Variants in WRN observed in about 807,000 individuals in gnomAD.
WRN encodes the protein bifunctional 3'-5' exonuclease/ATP-dependent helicase WRN.
WRN carries 149 observed loss-of-function variants against 180.7 expected under a neutral mutation model. The ratio of observed to expected loss-of-function variants is 0.82; its 90% CI spans 0.72 to 0.94. WRN has a LOEUF of 0.94. Among genes scored for constraint, WRN ranks in the 40% least tolerant of loss-of-function variants. The probability of loss-of-function intolerance (pLI) is 0.00; values close to 1 mark genes in which losing one functional copy is unlikely to be tolerated. For synonymous variants in WRN, 548 were observed against 568.9 expected (o/e 0.96, Z 0.52); for missense variants, 1,661 against 1,700.1 (o/e 0.98, Z 0.40).
chr8:31,142,504 A>G, intron 26 of WRN, 122 bp from the exon 27 acceptor site: 1 of 728,758 alleles, frequency 1.4e-6, no homozygotes, highest in East Asian at 3.1e-5. Context: ...AATCAGTTTT[A>G]AGAATCACCA....
chr8:31,076,220 T>G lies in WRN; in HGVS notation c.772T>G (p.Ser258Ala). The G allele has an allele frequency of 6.2e-7, 1 of 1,613,954 alleles. No homozygotes were observed. The highest frequency in any genetic ancestry group is 8.5e-7 in the Non-Finnish European group (1 of 1,179,930). Residue 258 changes from serine (S) to alanine (A), a missense_variant, in exon 8 of 35, where the codon TCT (serine) becomes GCT (alanine). Physicochemically the swap from Ser to Ala is moderately conservative, Grantham distance 99. Around this residue, in one of 3 missense-constraint regions of WRN, gnomAD observed 500 missense variants for 504.1 expected, o/e 0.99. Coordinates refer to ENST00000298139, the MANE Select transcript of WRN (RefSeq NM_000553.6). ...SDMNKQLTSI[S>A]EEVMDLAKHL... ...CATGAACAAACAGTTGACTTCAATCTCTGAGGAAGTGATGGATCTGGCTAA... is the reference window on the plus strand; with the variant it reads ...CATGAACAAACAGTTGACTTCAATCGCTGAGGAAGTGATGGATCTGGCTAA...
At chr8:31,141,404 G>C in intron 24 of WRN, 26 bp from the exon 25 acceptor site, 1 of 1,613,272 alleles carries the variant, frequency 6.2e-7, no homozygotes, top group Admixed American at 1.7e-5. Flanking sequence ...AGCATTTTTA[G>C]ATACTGATTT....
chr8:31,038,798 T>A lies in WRN; in HGVS notation c.-77+4825T>A, dbSNP rs147727085. 6.7e-3 allele frequency among the ~76,000 whole-genome samples: 1,021 copies of A among 152,270 alleles called. 17 individuals are homozygous for A. Among genetic ancestry groups the A allele is most frequent in the African/African-American group, 0.023 (950 of 41,554 alleles). ...AACTTCACTCTTTTCCATATGGAGATCCAGTTGTCCCAGCACCACATGTTT... is the reference window on the plus strand; with the variant it reads ...AACTTCACTCTTTTCCATATGGAGAACCAGTTGTCCCAGCACCACATGTTT... On this transcript the variant is annotated intron_variant, in intron 1 of 34. Coordinates refer to ENST00000298139, the MANE Select transcript of WRN (RefSeq NM_000553.6).
At chr8:31,147,644 TTC>T (rs1164580928) in intron 30 of WRN, among the ~76,000 whole-genome samples, 168 bp downstream of exon 30, 4 of 152,212 alleles carry the variant, frequency 2.6e-5, no homozygotes, top group Non-Finnish European at 5.9e-5. Flanking sequence ...AGTACCGTGT[TTC>T]TGTATGAATA....
At chr8:31,045,892 G>A (rs1381755454) in intron 1 of WRN, among the ~76,000 whole-genome samples, 3 of 152,078 alleles carry the variant, frequency 2.0e-5, no homozygotes, top group Middle Eastern at 3.2e-3. Flanking sequence ...CTTCTTGAGT[G>A]TATTGATTTA....
At chr8:31,127,342 A>G (rs189768986) in intron 23 of WRN, among the ~76,000 whole-genome samples, 1 of 152,348 alleles carries the variant, frequency 6.6e-6, no homozygotes, top group South Asian at 2.1e-4. Context: ...TTGTGATGGG[A>G]GTTAGATGAA....
At chr8:31,129,192 G>T (rs1462153961) in intron 23 of WRN, among the ~76,000 whole-genome samples, 2 of 152,176 alleles carry the variant, frequency 1.3e-5, no homozygotes, top group African/African-American at 4.8e-5. Context: ...TGTTGCCCAG[G>T]CTGGTTTTCA....
chr8:31,087,961 C>T (rs1467006369), intron 12 of WRN, 41 bp downstream of exon 12: 4 of 1,598,778 alleles, frequency 2.5e-6, no homozygotes, highest in Non-Finnish European at 3.4e-6. Context: ...ACCTGTGATA[C>T]CTACCACTGA....
intron 31 of WRN, among the ~76,000 whole-genome samples, chr8:31,151,707 G>A (rs1421827195): frequency 6.6e-6 from 1 of 152,076 alleles, no homozygotes; most frequent in South Asian, 2.1e-4. Flanking sequence ...AAATGAAGTA[G>A]GGGAAAAGGT....
Position 31,065,029 on chromosome 8 carries a change from AT to A in WRN, c.474del (p.Phe158LeufsTer4). 5 of 1,613,628 alleles carry A rather than the reference AT, an allele frequency of 3.1e-6. No homozygotes were observed. The highest frequency in any genetic ancestry group is 4.2e-6 in the Non-Finnish European group (5 of 1,179,750). ...LLRDFDIKLK[N>X]FVELTDVANK... is the part of the protein sequence containing the mutation. ...CGTGACTTTGATATCAAATTGAAGAATTTTGTGGAGTTGACAGATGTTGCCA... is the reference window on the plus strand; with the variant it reads ...CGTGACTTTGATATCAAATTGAAGAATTTGTGGAGTTGACAGATGTTGCCA... On this transcript the variant is annotated frameshift_variant, in exon 5 of 35. Coordinates refer to ENST00000298139, the MANE Select transcript of WRN (RefSeq NM_000553.6). LOFTEE classifies it high-confidence loss of function.
chr8:31,072,409 C>T (rs568370348), intron 7 of WRN, among the ~76,000 whole-genome samples: 17 of 152,226 alleles, frequency 1.1e-4, no homozygotes, highest in African/African-American at 2.2e-4. Flanking sequence ...GAAGAGTCCA[C>T]GGGCTTTGGT....
At chr8:31,158,221 T>C (rs1803466849) in intron 33 of WRN, among the ~76,000 whole-genome samples, 1 of 152,156 alleles carries the variant, frequency 6.6e-6, no homozygotes, top group Non-Finnish European at 1.5e-5. Context: ...TTGTCATTGG[T>C]TTCGCTTGAG....
rs1187781218 is a variant in WRN at position 31,132,511 on chromosome 8, G to A, written c.2967+5G>A. On this transcript the variant is annotated splice_donor_5th_base_variant and intron_variant, in intron 24 of 34. Transcript: ENST00000298139. ...ATTTTATTTCTCCGAGGATCTGTAA[G>A]TATATATCTGTGAATTCCCTTCATA... 1 of 1,613,980 alleles carries A rather than the reference G, an allele frequency of 6.2e-7. No homozygotes were observed. Among genetic ancestry groups the A allele is most frequent in the African/African-American group, 1.3e-5 (1 of 74,930 alleles).
chr8:31,088,860 A>C (rs1357239890), intron 12 of WRN, 30 bp from the exon 13 acceptor site: 1 of 1,581,842 alleles, frequency 6.3e-7, no homozygotes, highest in Non-Finnish European at 8.6e-7. Context: ...TTCTACTTGA[A>C]CATAAATGCA....
At chr8:31,103,926 G>A (rs1800982985) in intron 18 of WRN, among the ~76,000 whole-genome samples, 1 of 152,024 alleles carries the variant, frequency 6.6e-6, no homozygotes, top group South Asian at 2.1e-4. Context: ...AGTAGAGGCA[G>A]CGTTTCACCG....
chr8:31,141,416 A>G lies in WRN; in HGVS notation c.2968-14A>G, dbSNP rs781394423. The G allele has an allele frequency of 6.2e-7, 1 of 1,613,972 alleles. No homozygotes were observed. Among genetic ancestry groups the G allele is most frequent in the South Asian group, 1.1e-5 (1 of 91,076 alleles). Reference sequence around the variant, plus strand: ...ATTAGCATTTTTAGATACTGATTTTATTCCTAATTTCAGAATTCTCAGCGT... The same window carrying G: ...ATTAGCATTTTTAGATACTGATTTTGTTCCTAATTTCAGAATTCTCAGCGT... On this transcript the variant is annotated splice_polypyrimidine_tract_variant and intron_variant, in intron 24 of 34. Coordinates refer to ENST00000298139, the MANE Select transcript of WRN (RefSeq NM_000553.6).
chr8:31,173,108 C>T lies in WRN; in HGVS notation c.*6C>T, dbSNP rs576895598. The T allele has an allele frequency of 6.2e-7, 1 of 1,608,216 alleles. No homozygotes were observed. The highest frequency in any genetic ancestry group is 8.5e-7 in the Non-Finnish European group (1 of 1,174,874). On this transcript the variant is annotated 3_prime_UTR_variant, in exon 35 of 35. Coordinates refer to ENST00000298139, the MANE Select transcript of WRN (RefSeq NM_000553.6). ...GGGGAGGTCTTTTTAGTTAAGCTGG[C>T]AATTACCAGAACAATTATGTTTCTT...
In WRN at chr8:31,059,217, T is replaced by C; in HGVS notation, c.161T>C (p.Val54Ala). Residue 54 changes from valine to alanine, a missense_variant, in exon 3 of 35, where the codon GTG (valine) becomes GCG (alanine). By Grantham distance (64) the Val-to-Ala change is moderately conservative (BLOSUM62 0). Coordinates refer to ENST00000298139, the MANE Select transcript of WRN (RefSeq NM_000553.6). The stretch of plus-strand genomic sequence containing the variant: ...TTCTTAGAATTCACTGGATCCATTG[T>C]GTATAGTTACGATGCTAGTGATTGC... ...LPFLEFTGSI[V>A]YSYDASDCSF... 1 of 1,613,914 alleles carries C rather than the reference T, an allele frequency of 6.2e-7. No individual in the cohort carries two copies. The highest frequency in any genetic ancestry group is 8.5e-7 in the Non-Finnish European group (1 of 1,179,902).
At chr8:31,101,440 T>C (rs1190455775) in intron 18 of WRN, among the ~76,000 whole-genome samples, 1 of 152,168 alleles carries the variant, frequency 6.6e-6, no homozygotes, top group Non-Finnish European at 1.5e-5. Context: ...TCTATAGAAA[T>C]TTTATTAAAG....
Sources: allele counts gnomAD v4.1 joint callset (sites outside exome capture counted in the v4.1 genomes callset), GRCh38; gene constraint gnomAD v4.1.1; regional missense constraint gnomAD v4.1.1; transcripts MANE v1.5; gene names NCBI Gene and HGNC (gene_info 2026-07-23, HGNC 2026-07-21).